PPP2R5C: variants seen among roughly 807,000 people sequenced by gnomAD.
The protein encoded by PPP2R5C is protein phosphatase 2 regulatory subunit B'gamma.
In PPP2R5C, 7 loss-of-function variants were observed where a neutral mutation model predicts 68.9. That is an observed-to-expected ratio of 0.10 (90% CI 0.06 to 0.19). The LOEUF (loss-of-function observed/expected upper bound fraction) is 0.19. PPP2R5C is among the 10% of genes least tolerant of loss of function. The pLI is 1.00. For synonymous variants in PPP2R5C, 210 were observed against 222.2 expected (o/e 0.95, Z 0.49); for missense variants, 348 against 641.3 (o/e 0.54, Z 4.94).
At chr14:101,875,085 T>C (rs1258325343) in intron 2 of PPP2R5C, among the ~76,000 whole-genome samples, 1 of 152,256 alleles carries the variant, frequency 6.6e-6, no homozygotes, top group Admixed American at 6.5e-5. Flanking sequence ...TAGGAACATA[T>C]TTGAATAGAT....
intron 1 of PPP2R5C, among the ~76,000 whole-genome samples, chr14:101,854,881 C>G (rs994148081): frequency 6.6e-6 from 1 of 152,164 alleles, no homozygotes; most frequent in Non-Finnish European, 1.5e-5. Flanking sequence ...AATGATCTAG[C>G]CACGTTGGCC....
chr14:101,827,534 C>T (rs2040470764), intron 1 of PPP2R5C, among the ~76,000 whole-genome samples: 1 of 152,192 alleles, frequency 6.6e-6, no homozygotes, highest in Non-Finnish European at 1.5e-5. Context: ...GCCATCTGCA[C>T]TGGGCAAGAT....
chr14:101,892,402 G>C (rs1428137626), intron 6 of PPP2R5C, among the ~76,000 whole-genome samples: 1 of 134,420 alleles, frequency 7.4e-6, no homozygotes, highest in Non-Finnish European at 1.6e-5. Context: ...GGTGGGGGGG[G>C]TCCCACGTGA....
intron 2 of PPP2R5C, among the ~76,000 whole-genome samples, chr14:101,774,196 G>T (rs1304333465): frequency 6.6e-6 from 1 of 152,238 alleles, no homozygotes; most frequent in African/African-American, 2.4e-5. Flanking sequence ...CTGGCTGTGG[G>T]TGGGCTTGTC....
rs193010674 is a variant in PPP2R5C at position 101,850,432 on chromosome 14, G to A, written c.95-6254G>A. Among the ~76,000 whole-genome samples, 701 of 152,258 alleles carry A rather than the reference G, an allele frequency of 4.6e-3. 11 individuals are homozygous for A. The highest frequency in any genetic ancestry group is 4.2e-3 in the Non-Finnish European group (283 of 68,018). ...AATAAAATCTGAAAATTAATGTTTT[G>A]CACATTTTGAGAAGAAAATTAGAAG... is the stretch of plus-strand genomic sequence containing the variant. On this transcript the variant is annotated intron_variant, in intron 1 of 13. Coordinates refer to ENST00000334743, the Ensembl canonical transcript of PPP2R5C.
chr14:101,868,678 G>A (rs1198334659), intron 2 of PPP2R5C, among the ~76,000 whole-genome samples: 2 of 152,142 alleles, frequency 1.3e-5, no homozygotes, highest in Non-Finnish European at 2.9e-5. Context: ...ATTTCTTTTG[G>A]TCTAGGGGTG....
intron 1 of PPP2R5C, among the ~76,000 whole-genome samples, chr14:101,813,956 C>G (rs2039512376): frequency 6.6e-6 from 1 of 152,152 alleles, no homozygotes; most frequent in Admixed American, 6.5e-5. Flanking sequence ...AAAAAACATG[C>G]AAGAAGCAAG....
At chr14:101,815,876 G>A (rs996052081) in intron 1 of PPP2R5C, among the ~76,000 whole-genome samples, 6 of 152,082 alleles carry the variant, frequency 3.9e-5, no homozygotes, top group African/African-American at 1.4e-4. Flanking sequence ...CACCGTGATG[G>A]CCAGGCTGCT....
Position 101,888,436 on chromosome 14 carries a change from A to G in PPP2R5C, c.630-1801A>G, listed in dbSNP as rs1363839414. On this transcript the variant is annotated intron_variant, in intron 5 of 13. Coordinates refer to ENST00000334743, the Ensembl canonical transcript of PPP2R5C. This position sits in a 1 kb window ranked among gnomAD's most constrained non-coding sequence, Gnocchi z 5.6. Reference sequence around the variant, plus strand: ...TCATGGCACCAGTGTCGTTCCTGTCACCCACGGCACTGAGCTCTGCCCTGG... The same window carrying G: ...TCATGGCACCAGTGTCGTTCCTGTCGCCCACGGCACTGAGCTCTGCCCTGG... Among the ~76,000 whole-genome samples, 1 of 151,914 alleles carries G rather than the reference A, an allele frequency of 6.6e-6. No individual in the cohort carries two copies. The highest frequency in any genetic ancestry group is 1.5e-5 in the Non-Finnish European group (1 of 67,994).
At chr14:101,871,646 C>T (rs1230713727) in intron 2 of PPP2R5C, among the ~76,000 whole-genome samples, 1 of 151,888 alleles carries the variant, frequency 6.6e-6, no homozygotes, top group Admixed American at 6.6e-5. Context: ...AATGTACCAC[C>T]TTCCTATTTT....
intron 2 of PPP2R5C, among the ~76,000 whole-genome samples, chr14:101,861,451 A>G (rs2140637558): frequency 6.6e-6 from 1 of 152,312 alleles, no homozygotes; most frequent in East Asian, 1.9e-4. Context: ...ATTTGTACCG[A>G]TGGTGCAGAA....
At chr14:101,828,534 A>G (rs1292477055) in intron 1 of PPP2R5C, among the ~76,000 whole-genome samples, 1 of 152,170 alleles carries the variant, frequency 6.6e-6, no homozygotes, top group Non-Finnish European at 1.5e-5. Flanking sequence ...ACACACACAC[A>G]AATACATATA....
At chr14:101,792,179 T>G (rs1468734588) in intron 3 of PPP2R5C, among the ~76,000 whole-genome samples, 3 of 152,212 alleles carry the variant, frequency 2.0e-5, no homozygotes, top group Non-Finnish European at 2.9e-5. Context: ...GTGACATTAT[T>G]GTGAGAGATG....
At chr14:101,839,934 C>T (rs1269036716) in intron 1 of PPP2R5C, among the ~76,000 whole-genome samples, 1 of 150,772 alleles carries the variant, frequency 6.6e-6, no homozygotes, top group Non-Finnish European at 1.5e-5. Context: ...GTTGGCCTTT[C>T]CTGTGTTGTT....
At chr14:101,847,054 T>G (rs1298057615) in intron 1 of PPP2R5C, among the ~76,000 whole-genome samples, 1 of 152,244 alleles carries the variant, frequency 6.6e-6, no homozygotes, top group Non-Finnish European at 1.5e-5. Context: ...GTGGCGTTAT[T>G]TTGATATAAA....
At chr14:101,867,754 A>G (rs2476516) in intron 2 of PPP2R5C, among the ~76,000 whole-genome samples, 52,489 of 151,966 alleles carry the variant, frequency 0.35, 11,595 homozygotes, top group African/African-American at 0.63. Context: ...CTCCAGCCTG[A>G]GCGACAGAGC....
chr14:101,846,683 G>T (rs776939032), intron 1 of PPP2R5C, among the ~76,000 whole-genome samples: 1 of 152,178 alleles, frequency 6.6e-6, no homozygotes, highest in Non-Finnish European at 1.5e-5. Flanking sequence ...ATGAGGGCTG[G>T]CAGGCCTGTA....
intron 2 of PPP2R5C, among the ~76,000 whole-genome samples, chr14:101,764,790 A>G (rs2036762826): frequency 7.1e-6 from 1 of 141,040 alleles, no homozygotes; most frequent in African/African-American, 2.6e-5. Context: ...ATGAAGGTAT[A>G]TGCTATATGC....
chr14:101,789,415 C>T (rs1316267809), intron 3 of PPP2R5C, among the ~76,000 whole-genome samples: 2 of 152,208 alleles, frequency 1.3e-5, no homozygotes, highest in Non-Finnish European at 2.9e-5. Flanking sequence ...TGGTTGGCGC[C>T]ATGCCAGTGC....
Sources: gnomAD v4.1 joint callset for allele counts (sites outside exome capture counted in the v4.1 genomes callset) on GRCh38, gnomAD v4.1.1 for gene constraint, Gnocchi (gnomAD v3.1) non-coding constraint, MANE v1.5 for transcripts, NCBI Gene and HGNC (gene_info 2026-07-23, HGNC 2026-07-21) for gene names.